ANO9: variants seen among roughly 807,000 people sequenced by gnomAD.
The protein encoded by ANO9 is anoctamin-9.
A neutral mutation model predicts 100.5 loss-of-function variants in ANO9; 80 were observed. The ratio of observed to expected loss-of-function variants is 0.80; its 90% CI spans 0.66 to 0.96. The LOEUF is 0.96. Ranked by LOEUF, ANO9 falls within the 40% of genes least tolerant of loss-of-function variation. The pLI, the probability that ANO9 is intolerant of heterozygous loss-of-function variation, is 0.00. For missense variants in ANO9, 1,064 were observed against 1,072.7 expected (o/e 0.99, Z 0.11); for synonymous variants, 473 against 435.6 (o/e 1.09, Z -1.07).
rs146217805 is a variant in ANO9 at position 422,438 on chromosome 11, T to C, written c.1335-1240A>G. 6.5e-3 allele frequency among the ~76,000 whole-genome samples: 992 copies of C among 152,314 alleles called. 11 individuals are homozygous for C. Among genetic ancestry groups the C allele is most frequent in the Admixed American group, 0.012 (185 of 15,294 alleles). Reference sequence around the variant, plus strand: ...CTGACTTTAAGACGGGGAGATTATCTTGGGTTATCTGGGTTTTTCTGGTGT... The same window carrying C: ...CTGACTTTAAGACGGGGAGATTATCCTGGGTTATCTGGGTTTTTCTGGTGT... On this transcript the variant is annotated intron_variant, in intron 15 of 22. Coordinates refer to ENST00000332826, the MANE Select transcript of ANO9 (RefSeq NM_001012302.3). The surrounding 1 kb of genome is among the most constrained non-coding windows in gnomAD (Gnocchi z 4.3).
chr11:434,274 A>G (rs1325442825), intron 1 of ANO9, among the ~76,000 whole-genome samples, 176 bp from the exon 2 acceptor site: 1 of 152,172 alleles, frequency 6.6e-6, no homozygotes, highest in Non-Finnish European at 1.5e-5. Flanking sequence ...AGGGCCTGCT[A>G]CAAACAACCG....
rs12792208 is a variant in ANO9, at chr11:418,735, G to A, written c.2115C>T (p.Phe705=). 0.02 allele frequency: 32,317 copies of A among 1,612,992 alleles called. 422 individuals carry two copies. Among genetic ancestry groups the A allele is most frequent in the Admixed American group, 0.044 (2,615 of 60,018 alleles). Reference sequence around the variant, plus strand: ...TCTGGCTCACCTCAAAGAGGATGACGAAGGCCAGGCGGATGGCCAGGAGGA... The same window carrying A: ...TCTGGCTCACCTCAAAGAGGATGACAAAGGCCAGGCGGATGGCCAGGAGGA... ...FWFLLAIRLA[F]VILFEHVALC... The change falls in exon 22 of 23, where the codon TTC becomes TTT. Residue 705 remains phenylalanine, a synonymous_variant. Transcript: ENST00000332826.
chr11:438,624 G>A lies in ANO9; in HGVS notation c.6+3297C>T, dbSNP rs142330119. Among the ~76,000 whole-genome samples, 607 of 150,322 alleles carry A rather than the reference G, an allele frequency of 4.0e-3. 4 individuals are homozygous for A. Among genetic ancestry groups the A allele is most frequent in the Non-Finnish European group, 4.5e-3 (306 of 67,762 alleles). ...AGTGTTTACGGAGCCACACCCACCG[G>A]CCCATCCCCCGGGCCACAGCCACCA... On this transcript the variant is annotated intron_variant, in intron 1 of 22. Transcript: ENST00000332826.
rs765822297 is a variant in ANO9, at chr11:430,292, C to T, written c.651G>A (p.Ser217=). 1.1e-5 allele frequency: 18 copies of T among 1,589,394 alleles called. No homozygotes were observed. Among genetic ancestry groups the T allele is most frequent in the Non-Finnish European group, 1.5e-5 (17 of 1,168,756 alleles). Residue 217 remains serine, a synonymous_variant, in exon 8 of 23, where the codon TCG becomes TCA. Coordinates refer to ENST00000332826, the MANE Select transcript of ANO9 (RefSeq NM_001012302.3). ...TGLLVFLSGF[S]LFEASQISKE... ...ACCTGATCTGGCTGGCCTCAAACAG[C>T]GAGAATCCGCTCAGAAAGACTAAGA...
intron 11 of ANO9, among the ~76,000 whole-genome samples, chr11:429,217 C>T (rs1365253201): frequency 2.9e-5 from 4 of 139,596 alleles, no homozygotes; most frequent in African/African-American, 8.1e-5. Context: ...GGGACACTCA[C>T]CCCACACGTG....
chr11:428,866 C>T (rs1185139416), intron 11 of ANO9, 40 bp from the exon 12 acceptor site: 2 of 1,585,884 alleles, frequency 1.3e-6, no homozygotes, highest in South Asian at 1.1e-5. Context: ...AAGGGACACT[C>T]ACCCCACATG....
At position 422,426 on chromosome 11, in the gene ANO9, G is replaced by A. The variant is rs891750685; in HGVS notation, c.1335-1228C>T. Among the ~76,000 whole-genome samples, 13 of 152,208 alleles carry A rather than the reference G, an allele frequency of 8.5e-5. No individual in the cohort carries two copies. Among genetic ancestry groups the A allele is most frequent in the Admixed American group, 5.2e-4 (8 of 15,272 alleles). Reference sequence around the variant, plus strand: ...GCTGCTAATCAGCTGACTTTAAGACGGGGAGATTATCTTGGGTTATCTGGG... The same window carrying A: ...GCTGCTAATCAGCTGACTTTAAGACAGGGAGATTATCTTGGGTTATCTGGG... On this transcript the variant is annotated intron_variant, in intron 15 of 22. Coordinates refer to ENST00000332826, the MANE Select transcript of ANO9 (RefSeq NM_001012302.3). This position sits in a 1 kb window ranked among gnomAD's most constrained non-coding sequence, Gnocchi z 4.3.
At chr11:424,956 CGGCGCGGAGACGGGACGCGCGGGAGG>C (rs1198777653) in intron 15 of ANO9, among the ~76,000 whole-genome samples, 13 of 150,484 alleles carry the variant, frequency 8.6e-5, no homozygotes, top group African/African-American at 1.2e-4. Context: ...GAGGAAAAGG[CGGCGCGGAGACGGGACGCGCGGGAGG>C]AAAAGGCGGC....
Position 430,170 on chromosome 11 carries a change from G to C in ANO9, c.684C>G (p.Ile228Met). Residue 228 changes from isoleucine (I) to methionine (M), a missense_variant, in exon 9 of 23, where the codon ATC (isoleucine) becomes ATG (methionine). Coordinates refer to ENST00000332826, the MANE Select transcript of ANO9 (RefSeq NM_001012302.3). The stretch of plus-strand genomic sequence containing the variant: ...ACATGAGGATGTCGTGGGCCTCACA[G>C]ATCTCCTTGCTGAAGGGGCAGGGAT... ...LFEASQISKE[I>M]CEAHDILMCP... The C allele has an allele frequency of 6.4e-7, 1 of 1,552,076 alleles. No homozygotes were observed. Among genetic ancestry groups the C allele is most frequent in the Non-Finnish European group, 8.7e-7 (1 of 1,148,140 alleles).
intron 1 of ANO9, among the ~76,000 whole-genome samples, chr11:435,898 A>C (rs1006885468): frequency 1.3e-5 from 2 of 150,294 alleles, no homozygotes; most frequent in Non-Finnish European, 3.0e-5. Flanking sequence ...GGTATAGTCT[A>C]GTATGGTCTA....
intron 15 of ANO9, among the ~76,000 whole-genome samples, chr11:426,012 G>A (rs192477157): frequency 3.3e-5 from 5 of 152,220 alleles, no homozygotes; most frequent in African/African-American, 9.6e-5. Flanking sequence ...GATGACAGGC[G>A]TGAGCCACCT....
intron 4 of ANO9, 197 bp downstream of exon 4, chr11:433,117 C>T (rs1218359265): frequency 5.8e-6 from 4 of 688,818 alleles, no homozygotes; most frequent in Middle Eastern, 4.1e-4. Context: ...TGAGAACCAC[C>T]GTGATCCTTT....
chr11:429,649 G>T lies in ANO9; in HGVS notation c.836C>A (p.Thr279Lys). Residue 279 changes from threonine to lysine, a missense_variant, in exon 11 of 23, where the codon ACG (threonine) becomes AAG (lysine). By Grantham distance (78) the Thr-to-Lys change is moderately conservative (BLOSUM62 -1). Coordinates refer to ENST00000332826, the MANE Select transcript of ANO9 (RefSeq NM_001012302.3). ...CCGCTTCCAGATCTCCAGGAACACC[G>T]TGGCTGCGGCGGGGGCAAGGAGGGG... ...VFAIFMALWA[T>K]VFLEIWKRQR... 1.9e-6 allele frequency: 3 copies of T among 1,612,610 alleles called. No homozygotes were observed. The highest frequency in any genetic ancestry group is 2.5e-6 in the Non-Finnish European group (3 of 1,179,888).
intron 1 of ANO9, among the ~76,000 whole-genome samples, chr11:435,190 G>A (rs1393843219): frequency 1.3e-5 from 2 of 150,470 alleles, no homozygotes; most frequent in Non-Finnish European, 3.0e-5. Context: ...TATAGCATAG[G>A]ATAGCATAGC....
intron 1 of ANO9, among the ~76,000 whole-genome samples, chr11:434,344 G>A (rs1366720368): frequency 6.6e-6 from 1 of 152,178 alleles, no homozygotes; most frequent in Non-Finnish European, 1.5e-5. Flanking sequence ...AAGGGAAGAC[G>A]CAGCCCACAG....
intron 15 of ANO9, among the ~76,000 whole-genome samples, chr11:424,588 A>G (rs1327009799): frequency 6.6e-6 from 1 of 152,224 alleles, no homozygotes; most frequent in African/African-American, 2.4e-5. Context: ...CCATCAAGAA[A>G]AATCAATTCA....
At position 422,676 on chromosome 11, in the gene ANO9, C is replaced by T. The variant is rs1848263454; in HGVS notation, c.1335-1478G>A. ...CCAGCCCTGCTAACCCCTTAGTTTT[C>T]ACCCAGTGGGACTCATCTAGGACTT... is the stretch of plus-strand genomic sequence containing the variant. On this transcript the variant is annotated intron_variant, in intron 15 of 22. Coordinates refer to ENST00000332826, the MANE Select transcript of ANO9 (RefSeq NM_001012302.3). This position sits in a 1 kb window ranked among gnomAD's most constrained non-coding sequence, Gnocchi z 4.3. 6.6e-6 allele frequency among the ~76,000 whole-genome samples: 1 copy of T among 152,210 alleles called. No homozygotes were observed. The highest frequency in any genetic ancestry group is 2.4e-5 in the African/African-American group (1 of 41,448).
intron 15 of ANO9, among the ~76,000 whole-genome samples, chr11:427,060 A>C (rs577663531): frequency 1.4e-3 from 206 of 152,308 alleles, no homozygotes; most frequent in African/African-American, 4.7e-3. Context: ...ACAGCAAGCC[A>C]TGGTGCACGC....
In ANO9 at chr11:430,379, G is replaced by T; in HGVS notation, c.564C>A (p.Ala188=). 6.3e-7 allele frequency: 1 copy of T among 1,597,112 alleles called. No individual in the cohort carries two copies. The highest frequency in any genetic ancestry group is 8.5e-7 in the Non-Finnish European group (1 of 1,172,590). Reference sequence around the variant, plus strand: ...ACCAGCCCAGCCAGACGAAGTACAGGGCCACCTTTTCCCCAAAGTAGTTCC... The same window carrying T: ...ACCAGCCCAGCCAGACGAAGTACAGTGCCACCTTTTCCCCAAAGTAGTTCC... ...EIRNYFGEKV[A]LYFVWLGWYT... The change falls in exon 8 of 23, where the codon GCC becomes GCA. Residue 188 remains alanine, a synonymous_variant. Coordinates refer to ENST00000332826, the MANE Select transcript of ANO9 (RefSeq NM_001012302.3).
Sources: gnomAD v4.1 joint callset for allele counts (sites outside exome capture counted in the v4.1 genomes callset) on GRCh38, gnomAD v4.1.1 for gene constraint, Gnocchi (gnomAD v3.1) non-coding constraint, MANE v1.5 for transcripts, NCBI Gene and HGNC (gene_info 2026-07-23, HGNC 2026-07-21) for gene names.